The following LDHB variants were observed in gnomAD, a reference collection of about 807,000 sequenced individuals.
LDHB encodes lactate dehydrogenase B, also known as L-lactate dehydrogenase B chain.
LDHB carries 18 observed loss-of-function variants against 33.4 expected under a neutral mutation model. The observed-to-expected ratio is 0.54, with a 90% CI of 0.37 to 0.80. The LOEUF is 0.80. Among genes scored for constraint, LDHB ranks in the 30% least tolerant of loss-of-function variants. The pLI, the probability that LDHB is intolerant of heterozygous loss-of-function variation, is 0.00. For missense variants in LDHB, 345 were observed against 407.9 expected, an observed-to-expected ratio of 0.85 and a Z score of 1.33; for synonymous variants, 121 against 140.6, an observed-to-expected ratio of 0.86 and a Z score of 0.98.
intron 7 of LDHB, among the ~76,000 whole-genome samples, chr12:21,636,361 A>C (rs2136959069): frequency 6.6e-6 from 1 of 151,662 alleles, no homozygotes; most frequent in Non-Finnish European, 1.5e-5. Context: ...AAAAAAAAAA[A>C]TACAATTTCC....
chr12:21,642,644 C>T (rs1353242403), intron 4 of LDHB, among the ~76,000 whole-genome samples: 3 of 152,148 alleles, frequency 2.0e-5, no homozygotes, highest in Admixed American at 1.3e-4. Flanking sequence ...AATAAAAGAA[C>T]ATCTATGTCA....
Position 21,654,619 on chromosome 12 carries a change from G to C in LDHB, c.53C>G (p.Thr18Arg), listed in dbSNP as rs982376014. 5 of 1,613,866 alleles carry C rather than the reference G, an allele frequency of 3.1e-6. No individual in the cohort carries two copies. The highest frequency in any genetic ancestry group is 2.2e-5 in the South Asian group (2 of 91,088). Residue 18 changes from threonine (T) to arginine (R), a missense_variant, in exon 2 of 8, where the codon ACA (threonine) becomes AGA (arginine). Coordinates refer to ENST00000350669, the MANE Select transcript of LDHB (RefSeq NM_002300.8). ...LIAPVAEEEA[T>R]VPNNKITVVG... ...TACAGTGATCTTATTGTTTGGAACT[G>C]TTGCCTCTTCTTCCGCAACTGGTGC...
At chr12:21,640,285 A>G (rs999090035) in intron 5 of LDHB, among the ~76,000 whole-genome samples, 1 of 151,492 alleles carries the variant, frequency 6.6e-6, no homozygotes, top group African/African-American at 2.4e-5. Context: ...TTTAAATGAG[A>G]AAAATATTAA....
intron 1 of LDHB, among the ~76,000 whole-genome samples, chr12:21,656,829 T>C (rs1938860344): frequency 6.6e-6 from 1 of 152,224 alleles, no homozygotes. Flanking sequence ...TGGTCCCTTA[T>C]GTCTCCTCAC....
intron 1 of LDHB, 28 bp from the exon 2 acceptor site, chr12:21,654,705 C>CATA (rs760323073): frequency 1.3e-6 from 2 of 1,575,546 alleles, no homozygotes; most frequent in Non-Finnish European, 1.7e-6. Flanking sequence ...AAACATTACA[C>CATA]GTATATCTGC....
intron 2 of LDHB, among the ~76,000 whole-genome samples, chr12:21,647,411 T>G (rs530884628): frequency 6.6e-6 from 1 of 152,120 alleles, no homozygotes; most frequent in East Asian, 1.9e-4. Flanking sequence ...GGAGTGTGAG[T>G]TTACTTTAGA....
intron 6 of LDHB, 118 bp from the exon 7 acceptor site, chr12:21,637,312 ATTGCCTTAG>A (rs1238181045): frequency 1.3e-6 from 1 of 771,434 alleles, no homozygotes; most frequent in Admixed American, 2.0e-5. Context: ...TTTACCCTTT[ATTGCCTTAG>A]TGTTCCCTTT....
chr12:21,650,837 A>G (rs960272743), intron 2 of LDHB, among the ~76,000 whole-genome samples: 18 of 152,342 alleles, frequency 1.2e-4, no homozygotes, highest in African/African-American at 4.3e-4. Context: ...GCCATGGAAC[A>G]TATCAGGAAG....
At chr12:21,638,527 T>C in intron 5 of LDHB, 57 bp from the exon 6 acceptor site, 3 of 1,219,538 alleles carry the variant, frequency 2.5e-6, no homozygotes, top group African/African-American at 1.5e-5. Flanking sequence ...TTTTAAAAAA[T>C]ATTTTCTTCT....
At chr12:21,654,802 T>C (rs560110191) in intron 1 of LDHB, 125 bp from the exon 2 acceptor site, 1 of 814,638 alleles carries the variant, frequency 1.2e-6, no homozygotes, top group East Asian at 2.6e-5. Context: ...CTAATGATAT[T>C]CTAGAAAGCA....
intron 4 of LDHB, among the ~76,000 whole-genome samples, chr12:21,642,686 A>C (rs1339667115): frequency 1.3e-5 from 2 of 152,310 alleles, no homozygotes; most frequent in East Asian, 3.9e-4. Flanking sequence ...ATAGCCTTAA[A>C]ACCACAGACA....
chr12:21,641,606 A>C (rs1267140688), intron 5 of LDHB, among the ~76,000 whole-genome samples: 1 of 152,172 alleles, frequency 6.6e-6, no homozygotes, highest in African/African-American at 2.4e-5. Context: ...ACTCTGGATT[A>C]GATAATATTG....
At chr12:21,638,118 A>G (rs1938266187) in intron 6 of LDHB, among the ~76,000 whole-genome samples, 1 of 151,992 alleles carries the variant, frequency 6.6e-6, no homozygotes, top group South Asian at 2.1e-4. Flanking sequence ...TTAATTCCAC[A>G]TTTTGCTCCT....
chr12:21,654,923 C>A (rs935041307), intron 1 of LDHB, among the ~76,000 whole-genome samples: 9 of 151,708 alleles, frequency 5.9e-5, no homozygotes, highest in African/African-American at 9.7e-5. Flanking sequence ...GAGATTGAGA[C>A]CATCCTGGCC....
chr12:21,643,341 G>A (rs985019494), intron 4 of LDHB, among the ~76,000 whole-genome samples: 1 of 152,194 alleles, frequency 6.6e-6, no homozygotes, highest in Non-Finnish European at 1.5e-5. Flanking sequence ...GCATATTTTA[G>A]CTGTTAAGGC....
intron 2 of LDHB, among the ~76,000 whole-genome samples, chr12:21,648,381 A>G (rs373223556): frequency 3.3e-5 from 5 of 152,160 alleles, no homozygotes; most frequent in East Asian, 3.9e-4. Flanking sequence ...GACTCTCCAT[A>G]TATGTGGGTT....
chr12:21,640,455 T>C (rs1458878713), intron 5 of LDHB, among the ~76,000 whole-genome samples: 1 of 145,294 alleles, frequency 6.9e-6, no homozygotes, highest in Non-Finnish European at 1.5e-5. Flanking sequence ...AGTTTTATCA[T>C]ACAGTCTCTT....
intron 5 of LDHB, among the ~76,000 whole-genome samples, chr12:21,639,719 G>A (rs1283743687): frequency 1.3e-5 from 2 of 151,982 alleles, no homozygotes; most frequent in East Asian, 1.9e-4. Context: ...TGTTAAGAAG[G>A]GAGAGCCAAG....
At chr12:21,641,677 T>C (rs1454187381) in intron 5 of LDHB, among the ~76,000 whole-genome samples, 24 of 152,146 alleles carry the variant, frequency 1.6e-4, no homozygotes, top group Non-Finnish European at 5.9e-5. Context: ...AGAAAATCTT[T>C]GTTTTGAGGA....
Sources: allele counts gnomAD v4.1 joint callset (sites outside exome capture counted in the v4.1 genomes callset), GRCh38; gene constraint gnomAD v4.1.1; transcripts MANE v1.5; gene names NCBI Gene and HGNC (gene_info 2026-07-23, HGNC 2026-07-21).